EYA4: variants seen among roughly 807,000 people sequenced by gnomAD.
The protein encoded by EYA4 is protein phosphatase EYA4.
EYA4 carries 31 observed loss-of-function variants against 87.9 expected under a neutral mutation model. That is an observed-to-expected ratio of 0.35 (90% CI 0.27 to 0.48). The LOEUF (loss-of-function observed/expected upper bound fraction) is 0.48, where lower values mean the gene tolerates loss of function less well. Ranked by LOEUF, EYA4 falls within the 20% of genes least tolerant of loss-of-function variation. EYA4 has a pLI of 0.99. For missense variants in EYA4, 678 were observed against 761.4 expected (o/e 0.89, Z 1.29); for synonymous variants, 263 against 270.6 (o/e 0.97, Z 0.28).
chr6:133,303,403 C>G (rs564455515), intron 2 of EYA4, among the ~76,000 whole-genome samples: 2 of 152,238 alleles, frequency 1.3e-5, no homozygotes, highest in South Asian at 2.1e-4. Flanking sequence ...AGAGGTTGTT[C>G]TGTCTATCAG....
chr6:133,438,037 C>T (rs993235218), intron 3 of EYA4, among the ~76,000 whole-genome samples: 1 of 151,992 alleles, frequency 6.6e-6, no homozygotes, highest in African/African-American at 2.4e-5. Context: ...ATAGATTTTA[C>T]ATTCTGTATA....
At position 133,336,373 on chromosome 6, in the gene EYA4, A is replaced by C. The variant is rs535658952; in HGVS notation, c.34-46019A>C. Among the ~76,000 whole-genome samples the C allele has an allele frequency of 3.3e-5, 5 of 152,308 alleles. No homozygotes were observed. The South Asian group carries it at 1.0e-3, about 32-fold the overall frequency. ...TATCACAGATTGTGTGATGTGATAG[A>C]ATATGGAGTACCTAACCTTACAAAG... On this transcript the variant is annotated intron_variant, in intron 2 of 19. Transcript: ENST00000355286.
At chr6:133,399,963 G>A (rs1226351229) in intron 3 of EYA4, among the ~76,000 whole-genome samples, 1 of 152,192 alleles carries the variant, frequency 6.6e-6, no homozygotes, top group Non-Finnish European at 1.5e-5. Flanking sequence ...CTGAAAAGAA[G>A]TGAACTAGGG....
At chr6:133,307,465 A>G (rs1053652309) in intron 2 of EYA4, among the ~76,000 whole-genome samples, 1 of 152,188 alleles carries the variant, frequency 6.6e-6, no homozygotes, top group East Asian at 1.9e-4. Flanking sequence ...TTAATTGAGA[A>G]CCTATTGCCA....
intron 3 of EYA4, among the ~76,000 whole-genome samples, chr6:133,427,243 T>C (rs9385647): frequency 0.47 from 71,456 of 152,056 alleles, 18,184 homozygotes; most frequent in East Asian, 0.76. Context: ...TGAGTGGAAT[T>C]ACAAAACCAT....
At chr6:133,448,310 C>G (rs1186054863) in intron 5 of EYA4, 131 bp downstream of exon 5, 2 of 736,484 alleles carry the variant, frequency 2.7e-6, no homozygotes, top group Non-Finnish European at 4.9e-6. Flanking sequence ...AATGAACATG[C>G]CTTTTAGTTG....
upstream of EYA4, chr6:133,241,337 C>A (rs754034166): frequency 6.6e-6 from 1 of 152,160 alleles, no homozygotes; most frequent in Non-Finnish European, 1.5e-5. Flanking sequence ...GCGCACGCTC[C>A]GGCCGTTCCC....
At chr6:133,358,200 T>C (rs549671431) in intron 2 of EYA4, among the ~76,000 whole-genome samples, 1 of 152,298 alleles carries the variant, frequency 6.6e-6, no homozygotes, top group South Asian at 2.1e-4. Flanking sequence ...TAGTGAGCCC[T>C]CTGGACAGAG....
intron 11 of EYA4, among the ~76,000 whole-genome samples, chr6:133,476,776 A>G (rs1002810879): frequency 3.3e-5 from 5 of 152,186 alleles, no homozygotes; most frequent in Middle Eastern, 3.4e-3. Flanking sequence ...CAGCGGTGTG[A>G]TTGCTGGATC....
intron 9 of EYA4, among the ~76,000 whole-genome samples, chr6:133,464,407 G>A (rs1464125825): frequency 1.3e-5 from 2 of 152,128 alleles, no homozygotes; most frequent in East Asian, 1.9e-4. Flanking sequence ...GTGATTTTTT[G>A]TATGTAAATG....
At chr6:133,358,929 T>G (rs1784267102) in intron 2 of EYA4, among the ~76,000 whole-genome samples, 2 of 152,074 alleles carry the variant, frequency 1.3e-5, no homozygotes, top group African/African-American at 4.8e-5. Context: ...AAAGTGAAAT[T>G]GAAGCTGAGA....
At chr6:133,379,939 A>C (rs1237800906) in intron 2 of EYA4, among the ~76,000 whole-genome samples, 1 of 152,100 alleles carries the variant, frequency 6.6e-6, no homozygotes, top group African/African-American at 2.4e-5. Context: ...GTTAAATTCC[A>C]AATTCTTTAC....
chr6:133,331,497 T>G (rs944864670), intron 2 of EYA4, among the ~76,000 whole-genome samples: 2 of 152,226 alleles, frequency 1.3e-5, no homozygotes, highest in South Asian at 4.1e-4. Context: ...TATCCTGTAA[T>G]GAAATCTTCT....
rs925458002 is a variant in EYA4 at position 133,304,992 on chromosome 6, G to A, written c.33+30179G>A. Reference sequence around the variant, plus strand: ...AGGTTAGGAGCGAGGAAGAGGGAAGGCTGCAATTTTAAATAACATTGTCTG... The same window carrying A: ...AGGTTAGGAGCGAGGAAGAGGGAAGACTGCAATTTTAAATAACATTGTCTG... On this transcript the variant is annotated intron_variant, in intron 2 of 19. Transcript: ENST00000355286. 4.6e-5 allele frequency among the ~76,000 whole-genome samples: 7 copies of A among 152,254 alleles called. No individual in the cohort carries two copies. In the East Asian group the frequency reaches 1.3e-3, roughly 29 times the overall value.
intron 3 of EYA4, among the ~76,000 whole-genome samples, chr6:133,414,348 C>G (rs1395474890): frequency 6.6e-6 from 1 of 152,234 alleles, no homozygotes; most frequent in African/African-American, 2.4e-5. Flanking sequence ...CTGACTCACA[C>G]ACTCCCAAGG....
At chr6:133,289,242 T>C (rs1778299996) in intron 2 of EYA4, among the ~76,000 whole-genome samples, 1 of 152,164 alleles carries the variant, frequency 6.6e-6, no homozygotes, top group African/African-American at 2.4e-5. Context: ...AACGTGGATA[T>C]CCTGGAATTT....
chr6:133,316,586 T>C (rs369904868), intron 2 of EYA4, among the ~76,000 whole-genome samples: 1 of 152,166 alleles, frequency 6.6e-6, no homozygotes, highest in African/African-American at 2.4e-5. Context: ...TGTCGTTTTC[T>C]TCTTTAGTTA....
rs900275912 is a variant in EYA4 at position 133,254,773 on chromosome 6, A to G, written c.-66+13024A>G. On this transcript the variant is annotated intron_variant, in intron 1 of 19. Coordinates refer to ENST00000355286, the MANE Select transcript of EYA4 (RefSeq NM_004100.5). Reference sequence around the variant, plus strand: ...CAGATCAGAAGAGAGATCTAGCCTAACCCTTCCATTTTGCAGATGAGATGT... The same window carrying G: ...CAGATCAGAAGAGAGATCTAGCCTAGCCCTTCCATTTTGCAGATGAGATGT... Among the ~76,000 whole-genome samples the G allele has an allele frequency of 2.9e-4, 44 of 152,232 alleles. 1 individual carries two copies. Among genetic ancestry groups the G allele is most frequent in the African/African-American group, 1.0e-3 (43 of 41,550 alleles).
At chr6:133,468,530 C>G (rs1198864971) in intron 10 of EYA4, 36 bp from the exon 11 acceptor site, 4 of 1,535,798 alleles carry the variant, frequency 2.6e-6, no homozygotes, top group Non-Finnish European at 3.6e-6. Flanking sequence ...AGAGTAATTT[C>G]TCTTTCAAAC....
Sources: allele counts gnomAD v4.1 joint callset (sites outside exome capture counted in the v4.1 genomes callset), GRCh38; gene constraint gnomAD v4.1.1; transcripts MANE v1.5; gene names NCBI Gene and HGNC (gene_info 2026-07-23, HGNC 2026-07-21).